The following KCNV2 variants were observed in gnomAD, a reference collection of about 807,000 sequenced individuals.
KCNV2 encodes the protein potassium voltage-gated channel subfamily V member 2.
KCNV2 carries 65 observed loss-of-function variants against 37.0 expected under a neutral mutation model. The ratio of observed to expected loss-of-function variants is 1.76; its 90% CI spans 1.44 to 2.16. The LOEUF (loss-of-function observed/expected upper bound fraction) is 2.16, where lower values mean the gene tolerates loss of function less well. Ranked by LOEUF, KCNV2 falls within the 30% of genes most tolerant of loss-of-function variation. The pLI, the probability that KCNV2 is intolerant of heterozygous loss-of-function variation, is 0.00. For synonymous variants in KCNV2, 518 were observed against 328.6 expected (o/e 1.58, Z -6.23); for missense variants, 1,232 against 766.7 (o/e 1.61, Z -7.17).
intron 1 of KCNV2, among the ~76,000 whole-genome samples, chr9:2,723,906 C>T (rs1351082333): frequency 6.6e-6 from 1 of 151,446 alleles, no homozygotes; most frequent in Non-Finnish European, 1.5e-5. Context: ...GAACAATGGG[C>T]TCTATGATGA....
chr9:2,718,136 A>G lies in KCNV2; in HGVS notation c.397A>G (p.Ser133Gly), dbSNP rs1235101305. ...LGRLATSTSR[S>G]RQLSLCDDYE... is the part of the protein sequence containing the mutation. The stretch of plus-strand genomic sequence containing the variant: ...TCGCCTGGCCACCTCCACCAGCCGC[A>G]GCCGCCAGCTAAGCCTGTGCGACGA... Residue 133 changes from serine (S) to glycine (G), a missense_variant, in exon 1 of 2, where the codon AGC becomes GGC. Transcript: ENST00000382082. 6.2e-7 allele frequency: 1 copy of G among 1,608,848 alleles called. No individual in the cohort carries two copies. The highest frequency in any genetic ancestry group is 8.5e-7 in the Non-Finnish European group (1 of 1,177,828).
At chr9:2,727,290 GGGGGA>G (rs1819984278) in intron 1 of KCNV2, among the ~76,000 whole-genome samples, 1 of 150,220 alleles carries the variant, frequency 6.7e-6, no homozygotes, top group Non-Finnish European at 1.5e-5. Context: ...GTTGTGGGGT[GGGGGA>G]GGGGGGAGGG....
At chr9:2,725,433 C>A (rs1332471794) in intron 1 of KCNV2, among the ~76,000 whole-genome samples, 2 of 152,170 alleles carry the variant, frequency 1.3e-5, no homozygotes, top group Non-Finnish European at 2.9e-5. Flanking sequence ...AGGCTACATT[C>A]AGTATTTTAA....
Position 2,718,637 on chromosome 9 carries a change from C to A in KCNV2, c.898C>A (p.Pro300Thr), listed in dbSNP as rs773016278. Reference sequence around the variant, plus strand: ...GGGCGAGGGCGGCCCAGACCTGCGGCCCATCCTGGAGCACGTGGAGATGCT... The same window carrying A: ...GGGCGAGGGCGGCCCAGACCTGCGGACCATCCTGGAGCACGTGGAGATGCT... ...GQGEGGPDLRPILEHVEMLCM... is the reference protein window; with the variant it reads ...GQGEGGPDLRTILEHVEMLCM... The change falls in exon 1 of 2, where the codon CCC becomes ACC. Residue 300 changes from proline to threonine, a missense_variant. Coordinates refer to ENST00000382082, the MANE Select transcript of KCNV2 (RefSeq NM_133497.4). The A allele has an allele frequency of 1.2e-6, 2 of 1,613,180 alleles. No homozygotes were observed. The highest frequency in any genetic ancestry group is 1.7e-6 in the Non-Finnish European group (2 of 1,179,818).
At chr9:2,724,453 G>A (rs1819936689) in intron 1 of KCNV2, among the ~76,000 whole-genome samples, 1 of 151,944 alleles carries the variant, frequency 6.6e-6, no homozygotes, top group South Asian at 2.1e-4. Flanking sequence ...AAGACTAGAA[G>A]AAGAAAAAAA....
In KCNV2 at chr9:2,717,663, C is replaced by G; in HGVS notation, c.-77C>G. 2 of 1,586,966 alleles carry G rather than the reference C, an allele frequency of 1.3e-6. No individual in the cohort carries two copies. The highest frequency in any genetic ancestry group is 1.7e-6 in the Non-Finnish European group (2 of 1,157,104). On this transcript the variant is annotated 5_prime_UTR_variant, in exon 1 of 2. Transcript: ENST00000382082. ...GACAGTGCAGGCCACGTGATCCATCCTCCTAGAGGCAGTGAGCAGGTGAGG... is the reference window on the plus strand; with the variant it reads ...GACAGTGCAGGCCACGTGATCCATCGTCCTAGAGGCAGTGAGCAGGTGAGG...
intron 1 of KCNV2, among the ~76,000 whole-genome samples, chr9:2,727,476 C>A (rs944413314): frequency 1.3e-5 from 2 of 152,148 alleles, no homozygotes; most frequent in Non-Finnish European, 2.9e-5. Context: ...TTGAGATTAA[C>A]CCACAATCTC....
chr9:2,719,522 T>C (rs1321062021), intron 1 of KCNV2, among the ~76,000 whole-genome samples: 1 of 152,004 alleles, frequency 6.6e-6, no homozygotes, highest in African/African-American at 2.4e-5. Flanking sequence ...TGAAAGAAAC[T>C]GTAGATTTAT....
chr9:2,722,765 G>C (rs1316738038), intron 1 of KCNV2, among the ~76,000 whole-genome samples: 3 of 152,072 alleles, frequency 2.0e-5, no homozygotes, highest in African/African-American at 7.2e-5. Context: ...CAGCTAGAAG[G>C]TTCTTCTCTT....
At chr9:2,722,159 A>T (rs947918004) in intron 1 of KCNV2, among the ~76,000 whole-genome samples, 1 of 138,724 alleles carries the variant, frequency 7.2e-6, no homozygotes, top group African/African-American at 2.9e-5. Context: ...AGTTATTTAT[A>T]AATAAATTAG....
In KCNV2 at chr9:2,717,929, G is replaced by C; in HGVS notation, c.190G>C (p.Glu64Gln). The C allele has an allele frequency of 6.2e-7, 1 of 1,614,182 alleles. No homozygotes were observed. Among genetic ancestry groups the C allele is most frequent in the Non-Finnish European group, 8.5e-7 (1 of 1,180,032 alleles). The change falls in exon 1 of 2, where the codon GAG (glutamate) becomes CAG (glutamine). Residue 64 changes from glutamate (E) to glutamine (Q), a missense_variant. Glu to Gln is a conservative substitution (Grantham distance 29, BLOSUM62 2). Coordinates refer to ENST00000382082, the MANE Select transcript of KCNV2 (RefSeq NM_133497.4). Reference protein sequence around the residue: ...YIEEDEDGEEEDQWKDDLAEE... With the variant: ...YIEEDEDGEEQDQWKDDLAEE... ...CGAGGAAGACGAAGACGGCGAGGAG[G>C]AGGACCAGTGGAAGGACGACCTGGC... is the stretch of plus-strand genomic sequence containing the variant.
rs959993502 is a variant in KCNV2 at position 2,719,613 on chromosome 9, G to C, written c.1356+518G>C. 7.2e-5 allele frequency among the ~76,000 whole-genome samples: 11 copies of C among 152,166 alleles called. No homozygotes were observed. In the East Asian group the frequency reaches 7.7e-4, roughly 11 times the overall value. On this transcript the variant is annotated intron_variant, in intron 1 of 1. Transcript: ENST00000382082. ...CACCTCTGGTTCCACTTAAATCTGA[G>C]TGTGGAAAGAAGCATCTCAAACTGA...
intron 1 of KCNV2, among the ~76,000 whole-genome samples, chr9:2,725,953 G>T (rs934362376): frequency 6.6e-6 from 1 of 152,190 alleles, no homozygotes; most frequent in Admixed American, 6.5e-5. Context: ...CTGGCTTTGG[G>T]ACCCAAGGCT....
intron 1 of KCNV2, among the ~76,000 whole-genome samples, chr9:2,726,516 G>A (rs1035290953): frequency 2.0e-5 from 3 of 152,100 alleles, no homozygotes; most frequent in African/African-American, 7.2e-5. Flanking sequence ...TGGCTTAAGG[G>A]TGAAGCAAAG....
At position 2,718,058 on chromosome 9, in the gene KCNV2, A is replaced by C; in HGVS notation, c.319A>C (p.Ser107Arg). 1.3e-5 allele frequency: 21 copies of C among 1,607,432 alleles called. No individual in the cohort carries two copies. Among genetic ancestry groups the C allele is most frequent in the Non-Finnish European group, 1.7e-5 (20 of 1,176,552 alleles). Residue 107 changes from serine (S) to arginine (R), a missense_variant, in exon 1 of 2, where the codon AGC (serine) becomes CGC (arginine). Ser to Arg is a moderately radical substitution (Grantham distance 110, BLOSUM62 -1). Coordinates refer to ENST00000382082, the MANE Select transcript of KCNV2 (RefSeq NM_133497.4). The stretch of plus-strand genomic sequence containing the variant: ...GCTGAATGTGAACGTGGGTGGCCAC[A>C]GCTACCAGCTGGACTACTGCGAGCT... Reference protein sequence around the residue: ...STLNVNVGGHSYQLDYCELAG... With the variant: ...STLNVNVGGHRYQLDYCELAG...
chr9:2,719,185 G>C, intron 1 of KCNV2, 90 bp downstream of exon 1: 5 of 1,465,078 alleles, frequency 3.4e-6, no homozygotes, highest in Non-Finnish European at 2.8e-6. Context: ...CCAGGCTTTG[G>C]CTTCTGATCC....
At chr9:2,724,096 T>G (rs1819930184) in intron 1 of KCNV2, among the ~76,000 whole-genome samples, 1 of 151,956 alleles carries the variant, frequency 6.6e-6, no homozygotes, top group Non-Finnish European at 1.5e-5. Flanking sequence ...AATGAACCAT[T>G]TCCTTCTGAG....
chr9:2,717,695 T>TA lies in KCNV2; in HGVS notation c.-44dup. ...AGGCAGTGAGCAGGTGAGGGACCCC[T>TA]ACCACAGCCAGGAGGAAAAAGCTAG... On this transcript the variant is annotated 5_prime_UTR_variant, in exon 1 of 2. Transcript: ENST00000382082. The TA allele has an allele frequency of 1.2e-6, 2 of 1,613,454 alleles. No individual in the cohort carries two copies. The highest frequency in any genetic ancestry group is 1.7e-6 in the Non-Finnish European group (2 of 1,179,778).
rs765119911 is a variant in KCNV2, at chr9:2,718,918, C to T, written c.1179C>T (p.His393=). The T allele has an allele frequency of 6.2e-7, 1 of 1,609,076 alleles. No homozygotes were observed. Among genetic ancestry groups the T allele is most frequent in the Non-Finnish European group, 8.5e-7 (1 of 1,180,014 alleles). ...TCCGCATCCTCAAGCTGGCGCGCCA[C>T]TCCACCGGACTGCGTGCCTTCGGCT... ...RIFRILKLAR[H]STGLRAFGFT... Residue 393 remains histidine, a synonymous_variant, in exon 1 of 2, where the codon CAC becomes CAT. Transcript: ENST00000382082.
Sources: allele counts gnomAD v4.1 joint callset (sites outside exome capture counted in the v4.1 genomes callset), GRCh38; gene constraint gnomAD v4.1.1; transcripts MANE v1.5; gene names NCBI Gene and HGNC (gene_info 2026-07-23, HGNC 2026-07-21).